The following PCSK5 variants were observed in gnomAD, a reference collection of about 807,000 sequenced individuals.
The protein encoded by PCSK5 is prohormone convertase 5.
A neutral mutation model predicts 233.2 loss-of-function variants in PCSK5; 129 were observed. That is an observed-to-expected ratio of 0.55 (90% CI 0.48 to 0.64). The LOEUF (loss-of-function observed/expected upper bound fraction) is 0.64, where lower values mean the gene tolerates loss of function less well. Ranked by LOEUF, PCSK5 falls within the 30% of genes least tolerant of loss-of-function variation. The pLI, the probability that PCSK5 is intolerant of heterozygous loss-of-function variation, is 0.00. For missense variants in PCSK5, 2,076 were observed against 2,430.1 expected (o/e 0.85, Z 3.06); for synonymous variants, 825 against 879.2 (o/e 0.94, Z 1.09).
intron 24 of PCSK5, among the ~76,000 whole-genome samples, chr9:76,244,071 A>G (rs1246092409): frequency 6.6e-6 from 1 of 152,142 alleles, no homozygotes; most frequent in Admixed American, 6.5e-5. Flanking sequence ...AACAAAATAC[A>G]GAAAACTAGC....
chr9:76,014,594 C>T (rs1694461339), intron 3 of PCSK5, among the ~76,000 whole-genome samples: 1 of 152,178 alleles, frequency 6.6e-6, no homozygotes, highest in Non-Finnish European at 1.5e-5. Flanking sequence ...TCCAAACAAA[C>T]TTCTGCATCC....
chr9:75,984,894 A>G (rs1826438973), intron 2 of PCSK5, among the ~76,000 whole-genome samples: 1 of 152,188 alleles, frequency 6.6e-6, no homozygotes, highest in Non-Finnish European at 1.5e-5. Flanking sequence ...TTGACTGAGA[A>G]GGATGCCTTA....
At chr9:76,289,852 C>T (rs1828224646) in intron 24 of PCSK5, among the ~76,000 whole-genome samples, 2 of 152,196 alleles carry the variant, frequency 1.3e-5, no homozygotes, top group South Asian at 2.1e-4. Flanking sequence ...TTCATTTATG[C>T]AAACTGTTGT....
intron 3 of PCSK5, among the ~76,000 whole-genome samples, chr9:75,991,554 C>T (rs1178864789): frequency 6.6e-6 from 1 of 152,152 alleles, no homozygotes; most frequent in Non-Finnish European, 1.5e-5. Context: ...AAGCTGGCAG[C>T]TTTAATATGA....
chr9:76,013,578 T>C (rs1017968257), intron 3 of PCSK5, among the ~76,000 whole-genome samples: 4 of 152,222 alleles, frequency 2.6e-5, no homozygotes, highest in African/African-American at 9.6e-5. Context: ...AATTATGTAT[T>C]GCTTTTCTAT....
At chr9:76,289,033 A>G (rs1031588954) in intron 24 of PCSK5, among the ~76,000 whole-genome samples, 3 of 152,150 alleles carry the variant, frequency 2.0e-5, no homozygotes, top group Non-Finnish European at 4.4e-5. Context: ...TGAGTTCGTG[A>G]TGAGTGACAG....
At chr9:76,330,043 A>C (rs1829482137) in intron 33 of PCSK5, among the ~76,000 whole-genome samples, 1 of 152,096 alleles carries the variant, frequency 6.6e-6, no homozygotes, top group Non-Finnish European at 1.5e-5. Context: ...CAAGATGTTC[A>C]GTTTCCCTAC....
At chr9:76,083,041 T>C (rs1253804245) in intron 7 of PCSK5, among the ~76,000 whole-genome samples, 1 of 151,868 alleles carries the variant, frequency 6.6e-6, no homozygotes, top group Admixed American at 6.6e-5. Flanking sequence ...AAACTCCATC[T>C]CTACTAAAAA....
At chr9:76,162,533 C>T (rs892786924) in intron 12 of PCSK5, among the ~76,000 whole-genome samples, 18 of 151,918 alleles carry the variant, frequency 1.2e-4, no homozygotes, top group African/African-American at 4.4e-4. Flanking sequence ...CAGTCCGTCT[C>T]TGTGGTGGGG....
At chr9:76,319,591 C>T (rs1829133706) in intron 30 of PCSK5, among the ~76,000 whole-genome samples, 1 of 152,068 alleles carries the variant, frequency 6.6e-6, no homozygotes, top group African/African-American at 2.4e-5. Context: ...AGCGGTAACG[C>T]CAGTGTCTGG....
At chr9:76,064,658 G>A (rs1460421497) in intron 5 of PCSK5, among the ~76,000 whole-genome samples, 2 of 148,598 alleles carry the variant, frequency 1.3e-5, no homozygotes, top group Non-Finnish European at 3.0e-5. Context: ...CTCAGACGGG[G>A]TGGTTGCCAG....
chr9:76,252,953 C>T (rs2643328), intron 24 of PCSK5, among the ~76,000 whole-genome samples: 102,048 of 152,174 alleles, frequency 0.67, 35,223 homozygotes, highest in African/African-American at 0.81. Context: ...AGATCTCTCA[C>T]TGGAACATTT....
chr9:76,179,760 A>C, intron 15 of PCSK5, 62 bp downstream of exon 15: 1 of 1,130,606 alleles, frequency 8.8e-7, no homozygotes, highest in South Asian at 1.2e-5. Flanking sequence ...AGTTCCTGCA[A>C]GGCTAATACC....
At chr9:76,280,178 C>G (rs577242282) in intron 24 of PCSK5, among the ~76,000 whole-genome samples, 1 of 152,068 alleles carries the variant, frequency 6.6e-6, no homozygotes, top group East Asian at 1.9e-4. Flanking sequence ...GATCAGTGAT[C>G]AATTATAATT....
rs577178726 is a variant in PCSK5, at chr9:76,004,952, A to G, written c.411+18707A>G. 6.6e-5 allele frequency among the ~76,000 whole-genome samples: 10 copies of G among 152,284 alleles called. No homozygotes were observed. The South Asian group carries it at 1.9e-3, about 28-fold the overall frequency. On this transcript the variant is annotated intron_variant, in intron 3 of 37. Transcript: ENST00000674117. ...GGTGAGAAGGGTGTCATTGGTTCTTATGTCCTTTTTCAGCAGACAGAGCTA... is the reference window on the plus strand; with the variant it reads ...GGTGAGAAGGGTGTCATTGGTTCTTGTGTCCTTTTTCAGCAGACAGAGCTA...
intron 20 of PCSK5, 74 bp downstream of exon 20, chr9:76,189,820 A>G: frequency 1.2e-6 from 1 of 808,070 alleles, no homozygotes; most frequent in East Asian, 2.5e-5. Context: ...ATATTTTTCC[A>G]CTTAAAAAAG....
intron 2 of PCSK5, among the ~76,000 whole-genome samples, chr9:75,984,169 A>G (rs947663873): frequency 1.3e-5 from 2 of 152,152 alleles, no homozygotes; most frequent in Non-Finnish European, 2.9e-5. Flanking sequence ...CTATTTTAGT[A>G]CCTATAGTTC....
intron 30 of PCSK5, among the ~76,000 whole-genome samples, chr9:76,315,756 C>T (rs1429363754): frequency 6.6e-6 from 1 of 151,178 alleles, no homozygotes; most frequent in Non-Finnish European, 1.5e-5. Context: ...CCTCAGCCTC[C>T]TGAGTAGCTG....
chr9:76,351,529 A>AAAGAAGG (rs1554724839), intron 36 of PCSK5, among the ~76,000 whole-genome samples: 1 of 108,704 alleles, frequency 9.2e-6, no homozygotes, highest in East Asian at 3.1e-4. Flanking sequence ...AGAAAGAAAG[A>AAAGAAGG]AAGGAAGGAA....
Sources: gnomAD v4.1 joint callset for allele counts (sites outside exome capture counted in the v4.1 genomes callset) on GRCh38, gnomAD v4.1.1 for gene constraint, MANE v1.5 for transcripts, NCBI Gene and HGNC (gene_info 2026-07-23, HGNC 2026-07-21) for gene names.